Variants in SPATA13 observed in about 807,000 individuals in gnomAD.
SPATA13 encodes spermatogenesis associated 13, also known as spermatogenesis-associated protein 13.
A neutral mutation model predicts 104.0 loss-of-function variants in SPATA13; 50 were observed. The observed-to-expected ratio is 0.48, with a 90% confidence interval of 0.38 to 0.61. The LOEUF is 0.61. Ranked by LOEUF, SPATA13 falls within the 20% of genes least tolerant of loss-of-function variation. The probability of loss-of-function intolerance (pLI) is 0.00; values close to 1 mark genes in which losing one functional copy is unlikely to be tolerated. For synonymous variants in SPATA13, 606 were observed against 667.5 expected, an observed-to-expected ratio of 0.91 and a Z score of 1.42; for missense variants, 1,524 against 1,690.6, an observed-to-expected ratio of 0.90 and a Z score of 1.73.
chr13:24,021,454 C>T (rs999064042), intron 3 of SPATA13, among the ~76,000 whole-genome samples: 3 of 152,204 alleles, frequency 2.0e-5, no homozygotes, highest in Admixed American at 6.5e-5. Flanking sequence ...GATTGTACCA[C>T]TCTACTCCAG....
intron 3 of SPATA13, among the ~76,000 whole-genome samples, chr13:24,251,161 A>T (rs960108577): frequency 3.9e-5 from 6 of 152,220 alleles, no homozygotes; most frequent in Non-Finnish European, 7.3e-5. Flanking sequence ...TCTTTCAACT[A>T]AAGCTCCACT....
intron 3 of SPATA13, among the ~76,000 whole-genome samples, chr13:24,108,921 C>G (rs373377871): frequency 6.6e-6 from 1 of 152,148 alleles, no homozygotes; most frequent in Admixed American, 6.6e-5. Context: ...AATCTCTCTT[C>G]CCTGCTTGTA....
In SPATA13 at chr13:24,057,874, C is replaced by T. The variant is rs150123503; in HGVS notation, c.-112+40173C>T. On this transcript the variant is annotated intron_variant, in intron 3 of 14. Transcript: ENST00000424834. ...AAGAGAGACTCCAGATTCCCCTCCT[C>T]TCTTTTGATTTCAGCAGCTGGTGTG... 1.1e-3 allele frequency among the ~76,000 whole-genome samples: 164 copies of T among 151,804 alleles called. 1 individual carries two copies. Among genetic ancestry groups the T allele is most frequent in the African/African-American group, 3.8e-3 (158 of 41,506 alleles).
intron 2 of SPATA13, among the ~76,000 whole-genome samples, chr13:24,008,219 TTGA>T (rs1195224753): frequency 6.6e-6 from 1 of 152,348 alleles, no homozygotes; most frequent in East Asian, 1.9e-4. Context: ...CCTAAAGCTC[TTGA>T]TGATCAGACC....
intron 3 of SPATA13, among the ~76,000 whole-genome samples, chr13:24,108,965 TA>T (rs1271317477): frequency 6.6e-6 from 1 of 152,188 alleles, no homozygotes; most frequent in African/African-American, 2.4e-5. Flanking sequence ...TATTTTATTT[TA>T]TTTTTTTAAA....
At chr13:24,078,267 G>T (rs1356398958) in intron 3 of SPATA13, among the ~76,000 whole-genome samples, 1 of 152,198 alleles carries the variant, frequency 6.6e-6, no homozygotes, top group African/African-American at 2.4e-5. Context: ...AGCCAGACAC[G>T]CCTCTGTTTG....
rs114610220 is a variant in SPATA13 at position 24,284,822 on chromosome 13, C to T, written c.2301+551C>T. 4.6e-5 allele frequency among the ~76,000 whole-genome samples: 7 copies of T among 152,296 alleles called. No individual in the cohort carries two copies. In the South Asian group the frequency reaches 1.2e-3, roughly 27 times the overall value. ...CTTTCCACTTGATAAAGAATACCCT[C>T]CCCTCCACTATCTCATGTAATTCTC... is the stretch of plus-strand genomic sequence containing the variant. On this transcript the variant is annotated intron_variant, in intron 5 of 12. Transcript: ENST00000382108.
At chr13:24,192,738 A>G (rs571626108) in intron 1 of SPATA13, among the ~76,000 whole-genome samples, 1 of 152,250 alleles carries the variant, frequency 6.6e-6, no homozygotes, top group South Asian at 2.1e-4. Context: ...AGAAGCAGAG[A>G]GAAGATTTGT....
At chr13:24,100,984 C>T (rs1042359048) in intron 3 of SPATA13, among the ~76,000 whole-genome samples, 5 of 152,202 alleles carry the variant, frequency 3.3e-5, no homozygotes, top group African/African-American at 1.2e-4. Context: ...ATGTGACTGA[C>T]AGTAGCACAG....
At chr13:24,201,953 T>C (rs1309059042) in intron 1 of SPATA13, among the ~76,000 whole-genome samples, 1 of 152,152 alleles carries the variant, frequency 6.6e-6, no homozygotes, top group Non-Finnish European at 1.5e-5. Context: ...AATCATGTAG[T>C]ATGCAGCCTC....
chr13:24,223,982 T>C lies in SPATA13; in HGVS notation c.1053T>C (p.Leu351=), dbSNP rs1220547. ...APSPGEASLR[L]QAHSRLHDDY... ...CCCCTGGAGAGGCCAGCCTGAGACT[T>C]CAGGCACACAGCCGGCTGCATGACG... The change falls in exon 2 of 13, where the codon CTT becomes CTC. Residue 351 remains leucine (L), a synonymous_variant. Transcript: ENST00000382108. 731,967 of 1,548,150 alleles carry C rather than the reference T, an allele frequency of 0.47. 175,782 individuals are homozygous for C. Among genetic ancestry groups the C allele is most frequent in the African/African-American group, 0.67 (48,675 of 73,010 alleles).
chr13:24,247,778 G>A (rs537917592), intron 2 of SPATA13, among the ~76,000 whole-genome samples: 8 of 152,144 alleles, frequency 5.3e-5, no homozygotes, highest in East Asian at 3.9e-4. Flanking sequence ...CCACCCGCCC[G>A]GGCTCTGCAT....
chr13:24,063,906 C>T (rs1360471002), intron 3 of SPATA13, among the ~76,000 whole-genome samples: 1 of 152,124 alleles, frequency 6.6e-6, no homozygotes, highest in African/African-American at 2.4e-5. Context: ...GAGATGACTT[C>T]CTTAATGACC....
chr13:24,069,403 C>T (rs1034591939), intron 3 of SPATA13, among the ~76,000 whole-genome samples: 8 of 152,128 alleles, frequency 5.3e-5, no homozygotes, highest in African/African-American at 1.2e-4. Context: ...GGAATTCATT[C>T]GTAATTTGGC....
At chr13:24,008,290 G>T (rs1328353200) in intron 2 of SPATA13, among the ~76,000 whole-genome samples, 1 of 152,222 alleles carries the variant, frequency 6.6e-6, no homozygotes, top group Non-Finnish European at 1.5e-5. Context: ...AAGGTTGTGG[G>T]CTGAGGGGCT....
At chr13:24,278,959 T>TCCTTCCCG in intron 4 of SPATA13, 2 of 496,656 alleles carry the variant, frequency 4.0e-6, no homozygotes, top group Non-Finnish European at 6.5e-6. Flanking sequence ...CCTCCTTCCT[T>TCCTTCCCG]CCTTCCCTCC....
upstream of SPATA13, chr13:24,160,677 G>T (rs1593368114): frequency 1.0e-6 from 1 of 977,442 alleles, no homozygotes; most frequent in East Asian, 1.1e-4. Context: ...GCCGGGCTGG[G>T]GGCGTGGCCT....
At chr13:24,279,940 C>T (rs1056841566) in intron 4 of SPATA13, among the ~76,000 whole-genome samples, 4 of 152,244 alleles carry the variant, frequency 2.6e-5, no homozygotes, top group South Asian at 2.1e-4. Context: ...TCGCTAACTA[C>T]TAATCCATGA....
chr13:24,277,485 A>G (rs1335532591), intron 4 of SPATA13, among the ~76,000 whole-genome samples: 2 of 148,376 alleles, frequency 1.3e-5, no homozygotes, highest in Admixed American at 6.7e-5. Context: ...CTTGGAAGTA[A>G]TATATAGGAT....
Sources: allele counts gnomAD v4.1 joint callset (sites outside exome capture counted in the v4.1 genomes callset), GRCh38; gene constraint gnomAD v4.1.1; transcripts MANE v1.5; gene names NCBI Gene and HGNC (gene_info 2026-07-23, HGNC 2026-07-21).